Variants in STXBP5L observed in about 807,000 individuals in gnomAD.
The protein encoded by STXBP5L is syntaxin-binding protein 5-like.
STXBP5L carries 65 observed loss-of-function variants against 144.5 expected under a neutral mutation model. That is an observed-to-expected ratio of 0.45 (90% CI 0.37 to 0.55). The LOEUF is 0.55. Ranked by LOEUF, STXBP5L falls within the 20% of genes least tolerant of loss-of-function variation. The pLI is 0.00. For missense variants in STXBP5L, 1,298 were observed against 1,405.5 expected (o/e 0.92, Z 1.22); for synonymous variants, 505 against 469.6 (o/e 1.08, Z -0.97).
chr3:121,113,296 G>A (rs1478262602), intron 5 of STXBP5L, among the ~76,000 whole-genome samples: 3 of 152,118 alleles, frequency 2.0e-5, no homozygotes, highest in Non-Finnish European at 4.4e-5. Flanking sequence ...CAGAAAGGAT[G>A]ATCTTAGTCC....
intron 2 of STXBP5L, among the ~76,000 whole-genome samples, chr3:120,928,639 AGT>A (rs71133519): frequency 0.15 from 21,953 of 147,052 alleles, 1,772 homozygotes; most frequent in Non-Finnish European, 0.2. Flanking sequence ...TGGTATACAG[AGT>A]GTGTGTGTGT....
chr3:120,988,767 T>A (rs1267258873), intron 3 of STXBP5L, among the ~76,000 whole-genome samples: 1 of 152,084 alleles, frequency 6.6e-6, no homozygotes, highest in East Asian at 1.9e-4. Flanking sequence ...CCATCACAAA[T>A]AGTGTCCATT....
Position 121,365,684 on chromosome 3 carries a change from A to G in STXBP5L, c.2177-13032A>G, listed in dbSNP as rs78729508. 6.7e-3 allele frequency among the ~76,000 whole-genome samples: 1,015 copies of G among 151,718 alleles called. 6 individuals are homozygous for G. Among genetic ancestry groups the G allele is most frequent in the South Asian group, 0.013 (62 of 4,816 alleles). On this transcript the variant is annotated intron_variant, in intron 20 of 26. Transcript: ENST00000471454. Reference sequence around the variant, plus strand: ...TCTCTGTTTCTTCTTACATGTAACTAAAGTTTTATCAATTTTGTTGATTTT... The same window carrying G: ...TCTCTGTTTCTTCTTACATGTAACTGAAGTTTTATCAATTTTGTTGATTTT...
chr3:121,402,659 C>T (rs895323841), intron 22 of STXBP5L, among the ~76,000 whole-genome samples: 3 of 152,162 alleles, frequency 2.0e-5, no homozygotes, highest in Non-Finnish European at 4.4e-5. Flanking sequence ...GAGAAAAATA[C>T]ATAACCACAC....
chr3:120,963,362 A>C (rs1939109150), intron 3 of STXBP5L, among the ~76,000 whole-genome samples: 1 of 152,192 alleles, frequency 6.6e-6, no homozygotes, highest in Non-Finnish European at 1.5e-5. Context: ...CCAGTTTTCA[A>C]AGGGAATGCT....
intron 3 of STXBP5L, among the ~76,000 whole-genome samples, chr3:120,983,514 G>T (rs747094011): frequency 6.6e-6 from 1 of 152,278 alleles, no homozygotes; most frequent in Middle Eastern, 3.4e-3. Flanking sequence ...TCTGGGGGTT[G>T]GGCTCTCAGA....
intron 5 of STXBP5L, among the ~76,000 whole-genome samples, chr3:121,077,954 A>G (rs1038013865): frequency 6.6e-5 from 10 of 151,378 alleles, no homozygotes; most frequent in Non-Finnish European, 1.2e-4. Context: ...AGATTCTCCA[A>G]GTCCCCACCA....
At chr3:121,386,473 T>C (rs983927244) in intron 22 of STXBP5L, among the ~76,000 whole-genome samples, 1 of 152,274 alleles carries the variant, frequency 6.6e-6, no homozygotes, top group Non-Finnish European at 1.5e-5. Flanking sequence ...TACATAGGTA[T>C]ACATGTGCCA....
rs144119062 is a variant in STXBP5L at position 121,287,654 on chromosome 3, C to T, written c.2110+7698C>T. On this transcript the variant is annotated intron_variant, in intron 19 of 26. Coordinates refer to ENST00000471454, the MANE Select transcript of STXBP5L (RefSeq NM_001308330.2). Reference sequence around the variant, plus strand: ...GACCAGCCTGACCAACATGGTGAAACCCCGTCTCCACTAAAAATACAAAAA... The same window carrying T: ...GACCAGCCTGACCAACATGGTGAAATCCCGTCTCCACTAAAAATACAAAAA... Among the ~76,000 whole-genome samples the T allele has an allele frequency of 5.9e-3, 902 of 152,090 alleles. 7 individuals carry two copies. Among genetic ancestry groups the T allele is most frequent in the African/African-American group, 0.02 (829 of 41,470 alleles).
At chr3:120,962,260 T>A (rs981948868) in intron 3 of STXBP5L, among the ~76,000 whole-genome samples, 8 of 152,224 alleles carry the variant, frequency 5.3e-5, no homozygotes, top group Non-Finnish European at 8.8e-5. Context: ...TCTTTTGCTG[T>A]GTAGAAGCTC....
intron 19 of STXBP5L, among the ~76,000 whole-genome samples, chr3:121,290,609 A>C (rs1464006139): frequency 2.0e-5 from 3 of 152,106 alleles, no homozygotes; most frequent in African/African-American, 7.2e-5. Context: ...AACAAAAAAG[A>C]AGACTACAGA....
chr3:121,046,134 G>GT (rs1283331187), intron 5 of STXBP5L, among the ~76,000 whole-genome samples: 2 of 152,088 alleles, frequency 1.3e-5, no homozygotes, highest in Non-Finnish European at 2.9e-5. Context: ...TGTGGTTTTT[G>GT]TTTTCAGTTC....
At chr3:120,983,608 G>A (rs1942012094) in intron 3 of STXBP5L, among the ~76,000 whole-genome samples, 1 of 152,102 alleles carries the variant, frequency 6.6e-6, no homozygotes, top group Non-Finnish European at 1.5e-5. Context: ...TAATTTCTAG[G>A]CAGTTCCCTT....
At chr3:121,195,897 G>A (rs983156408) in intron 9 of STXBP5L, among the ~76,000 whole-genome samples, 1 of 152,134 alleles carries the variant, frequency 6.6e-6, no homozygotes, top group African/African-American at 2.4e-5. Flanking sequence ...TCACTCTATT[G>A]CTTGTTTTCT....
rs887262299 is a variant in STXBP5L at position 121,004,146 on chromosome 3, G to A, written c.288-37554G>A. Among the ~76,000 whole-genome samples the A allele has an allele frequency of 2.6e-5, 4 of 152,236 alleles. No homozygotes were observed. In the South Asian group the frequency reaches 8.3e-4, roughly 32 times the overall value. ...ATCTATAAATTACCTTGGGCAGTAT[G>A]GCCATTTTCATGATATTGATTCTTC... On this transcript the variant is annotated intron_variant, in intron 3 of 26. Transcript: ENST00000471454.
At chr3:121,029,481 C>A (rs138601211) in intron 3 of STXBP5L, among the ~76,000 whole-genome samples, 1 of 152,062 alleles carries the variant, frequency 6.6e-6, no homozygotes, top group Non-Finnish European at 1.5e-5. Context: ...TAGCCATATG[C>A]AGAAAAGTGA....
At chr3:120,977,271 G>A (rs1941165083) in intron 3 of STXBP5L, among the ~76,000 whole-genome samples, 1 of 152,204 alleles carries the variant, frequency 6.6e-6, no homozygotes, top group Admixed American at 6.5e-5. Flanking sequence ...AGCTCTTCTT[G>A]TTGAATTGAT....
chr3:120,954,072 T>C (rs1576477239), intron 2 of STXBP5L, among the ~76,000 whole-genome samples: 1 of 152,308 alleles, frequency 6.6e-6, no homozygotes, highest in Non-Finnish European at 1.5e-5. Context: ...ACTTATCATG[T>C]ATCTATCTAT....
chr3:121,354,810 G>T (rs1420990302), intron 20 of STXBP5L, among the ~76,000 whole-genome samples: 1 of 152,170 alleles, frequency 6.6e-6, no homozygotes, highest in African/African-American at 2.4e-5. Flanking sequence ...AATTTGGCAT[G>T]TTTTTGCAGT....
Sources: gnomAD v4.1 joint callset for allele counts (sites outside exome capture counted in the v4.1 genomes callset) on GRCh38, gnomAD v4.1.1 for gene constraint, MANE v1.5 for transcripts, NCBI Gene and HGNC (gene_info 2026-07-23, HGNC 2026-07-21) for gene names.